The following DDX10 variants were observed in gnomAD, a reference collection of about 807,000 sequenced individuals.
The protein encoded by DDX10 is DEAD-box helicase 10, also known as probable ATP-dependent RNA helicase DDX10.
A neutral mutation model predicts 104.3 loss-of-function variants in DDX10; 74 were observed. The ratio of observed to expected loss-of-function variants is 0.71; its 90% CI spans 0.59 to 0.86. The LOEUF (loss-of-function observed/expected upper bound fraction) is 0.86. Among genes scored for constraint, DDX10 ranks in the 40% least tolerant of loss-of-function variants. DDX10 has a pLI of 0.00. For missense variants in DDX10, 952 were observed against 1,040.0 expected, an observed-to-expected ratio of 0.92 and a Z score of 1.16; for synonymous variants, 351 against 353.4, an observed-to-expected ratio of 0.99 and a Z score of 0.08.
At chr11:108,803,953 A>G (rs1016282822) in intron 13 of DDX10, among the ~76,000 whole-genome samples, 1 of 152,146 alleles carries the variant, frequency 6.6e-6, no homozygotes, top group Non-Finnish European at 1.5e-5. Context: ...GGGTTCTCTC[A>G]TCCCTTTTAG....
chr11:108,726,428 G>A (rs567484546), intron 13 of DDX10, among the ~76,000 whole-genome samples: 2 of 152,104 alleles, frequency 1.3e-5, no homozygotes, highest in South Asian at 4.2e-4. Context: ...TTTTGTTAGA[G>A]TCATCTCTTA....
chr11:108,934,759 T>G (rs1369395686), intron 17 of DDX10, among the ~76,000 whole-genome samples: 1 of 152,226 alleles, frequency 6.6e-6, no homozygotes, highest in African/African-American at 2.4e-5. Flanking sequence ...GTTACTGGGT[T>G]TAGCCATAAT....
At chr11:108,939,050 CGT>C (rs1864070851) in intron 17 of DDX10, among the ~76,000 whole-genome samples, 1 of 152,092 alleles carries the variant, frequency 6.6e-6, no homozygotes, top group African/African-American at 2.4e-5. Flanking sequence ...AGAAAGTTAA[CGT>C]GTATTGAGCA....
intron 5 of DDX10, 32 bp downstream of exon 5, chr11:108,678,467 A>G (rs762907268): frequency 6.4e-7 from 1 of 1,556,096 alleles, no homozygotes; most frequent in Admixed American, 2.1e-5. Flanking sequence ...TTTAAAAAAA[A>G]AAAAAGCTCA....
chr11:108,848,183 G>A (rs994195184), intron 15 of DDX10, among the ~76,000 whole-genome samples: 3 of 152,260 alleles, frequency 2.0e-5, no homozygotes, highest in African/African-American at 7.2e-5. Flanking sequence ...TAGTAGTATA[G>A]TTTAAGACTC....
At chr11:108,794,183 C>G (rs1003372185) in intron 13 of DDX10, among the ~76,000 whole-genome samples, 1 of 151,768 alleles carries the variant, frequency 6.6e-6, no homozygotes, top group East Asian at 1.9e-4. Context: ...ATTGCTTTTT[C>G]TTTGGATGAA....
At chr11:108,853,136 T>C (rs1862818177) in intron 16 of DDX10, among the ~76,000 whole-genome samples, 1 of 152,096 alleles carries the variant, frequency 6.6e-6, no homozygotes, top group South Asian at 2.1e-4. Context: ...TATCACTCTG[T>C]CTTCAAAGGT....
rs528077626 is a variant in DDX10 at position 108,899,495 on chromosome 11, C to CTT, written c.2305-18366_2305-18365dup. 9.9e-4 allele frequency among the ~76,000 whole-genome samples: 142 copies of CTT among 143,638 alleles called. 1 individual carries two copies. Among genetic ancestry groups the CTT allele is most frequent in the African/African-American group, 3.4e-3 (134 of 39,664 alleles). 94.2% of individuals were successfully genotyped at this position (143,638 alleles called of 152,430 possible). A position where few individuals can be genotyped will look rare whatever the true frequency, so the allele number is the denominator to read the frequency against. The stretch of plus-strand genomic sequence containing the variant: ...AACACTTCAAAGCATGCACAGCTAC[C>CTT]TTTTTTTTTTTTTGTAAAAAGAAAA... On this transcript the variant is annotated intron_variant, in intron 16 of 17. Coordinates refer to ENST00000322536, the MANE Select transcript of DDX10 (RefSeq NM_004398.4).
At chr11:108,727,058 A>G (rs1415594955) in intron 13 of DDX10, among the ~76,000 whole-genome samples, 1 of 151,952 alleles carries the variant, frequency 6.6e-6, no homozygotes. Context: ...CTTTATATTT[A>G]TATTATAGGA....
intron 13 of DDX10, among the ~76,000 whole-genome samples, chr11:108,763,605 T>C (rs2094353233): frequency 6.6e-6 from 1 of 152,188 alleles, no homozygotes; most frequent in African/African-American, 2.4e-5. Flanking sequence ...AAAAAGCTTT[T>C]TATTTTAGGA....
At chr11:108,929,870 T>C (rs995079200) in intron 17 of DDX10, among the ~76,000 whole-genome samples, 5 of 152,254 alleles carry the variant, frequency 3.3e-5, no homozygotes, top group Admixed American at 6.5e-5. Context: ...CTAGGAATTT[T>C]AGTTTTTACA....
At chr11:108,774,519 T>C (rs2094367346) in intron 13 of DDX10, among the ~76,000 whole-genome samples, 1 of 152,220 alleles carries the variant, frequency 6.6e-6, no homozygotes, top group South Asian at 2.1e-4. Flanking sequence ...TGCCTTGATT[T>C]AGCCCTTGGT....
intron 9 of DDX10, among the ~76,000 whole-genome samples, chr11:108,705,354 T>A (rs945849342): frequency 6.6e-6 from 1 of 152,202 alleles, no homozygotes; most frequent in Non-Finnish European, 1.5e-5. Flanking sequence ...GCTTTAAACT[T>A]GTATTTCTTT....
intron 9 of DDX10, among the ~76,000 whole-genome samples, chr11:108,704,627 T>A (rs2094273326): frequency 6.6e-6 from 1 of 152,228 alleles, no homozygotes; most frequent in Non-Finnish European, 1.5e-5. Context: ...ATACATGGTT[T>A]GGTCCCATAC....
intron 16 of DDX10, among the ~76,000 whole-genome samples, chr11:108,864,226 A>G (rs1270641854): frequency 1.3e-5 from 2 of 152,172 alleles, no homozygotes; most frequent in Non-Finnish European, 2.9e-5. Context: ...CAGTGGTTCA[A>G]TCGCGGCTGG....
chr11:108,794,648 T>C (rs996551884), intron 13 of DDX10, among the ~76,000 whole-genome samples: 1 of 152,160 alleles, frequency 6.6e-6, no homozygotes, highest in African/African-American at 2.4e-5. Flanking sequence ...GTGGGGAGTT[T>C]GTTAACGTGG....
chr11:108,673,442 C>G (rs1456896562), intron 1 of DDX10, 25 bp from the exon 2 acceptor site: 3 of 1,498,242 alleles, frequency 2.0e-6, no homozygotes, highest in Non-Finnish European at 2.8e-6. Context: ...ATGAGTTACC[C>G]TGATTCCTTT....
At chr11:108,825,904 G>A (rs577962077) in intron 13 of DDX10, among the ~76,000 whole-genome samples, 40 of 152,150 alleles carry the variant, frequency 2.6e-4, no homozygotes, top group African/African-American at 8.7e-4. Flanking sequence ...GTCATCTGTC[G>A]GACTTTGGAA....
At chr11:108,668,588 A>C (rs144956421) in intron 1 of DDX10, among the ~76,000 whole-genome samples, 5 of 152,210 alleles carry the variant, frequency 3.3e-5, no homozygotes, top group Non-Finnish European at 7.3e-5. Flanking sequence ...AGCATTGTAC[A>C]TAAAACTTAC....
Sources: gnomAD v4.1 joint callset for allele counts (sites outside exome capture counted in the v4.1 genomes callset) on GRCh38, gnomAD v4.1.1 for gene constraint, MANE v1.5 for transcripts, NCBI Gene and HGNC (gene_info 2026-07-23, HGNC 2026-07-21) for gene names.